Variants in ADSS2 observed in about 807,000 individuals in gnomAD.
ADSS2 encodes adenylosuccinate synthase 2.
A neutral mutation model predicts 60.0 loss-of-function variants in ADSS2; 30 were observed. That is an observed-to-expected ratio of 0.50 (90% confidence interval 0.37 to 0.68). ADSS2 has a LOEUF of 0.68. Among genes scored for constraint, ADSS2 ranks in the 30% least tolerant of loss-of-function variants. The pLI, the probability that ADSS2 is intolerant of heterozygous loss-of-function variation, is 0.00. For synonymous variants in ADSS2, 187 were observed against 193.1 expected (o/e 0.97, Z 0.26); for missense variants, 373 against 554.8 (o/e 0.67, Z 3.29).
At chr1:244,430,750 A>G (rs1664921873) in intron 4 of ADSS2, among the ~76,000 whole-genome samples, 1 of 152,264 alleles carries the variant, frequency 6.6e-6, no homozygotes, top group Non-Finnish European at 1.5e-5. Flanking sequence ...TAGTAAGTGT[A>G]AGCAAACAAA....
intron 9 of ADSS2, among the ~76,000 whole-genome samples, chr1:244,418,399 G>A (rs1664586777): frequency 6.6e-6 from 1 of 152,198 alleles, no homozygotes; most frequent in Non-Finnish European, 1.5e-5. Flanking sequence ...TCAGCTCACT[G>A]CAACCTCTGC....
intron 7 of ADSS2, among the ~76,000 whole-genome samples, chr1:244,422,343 T>C (rs990577074): frequency 2.0e-5 from 3 of 152,252 alleles, no homozygotes; most frequent in Non-Finnish European, 4.4e-5. Flanking sequence ...TGACACCTAC[T>C]AGTTGCCAAG....
At chr1:244,419,672 T>C (rs942646596) in intron 8 of ADSS2, among the ~76,000 whole-genome samples, 2 of 152,136 alleles carry the variant, frequency 1.3e-5, no homozygotes, top group Non-Finnish European at 1.5e-5. Flanking sequence ...GTCAACAAAC[T>C]AATGAGGCAG....
chr1:244,434,179 CAAA>C (rs1220140337), intron 3 of ADSS2, among the ~76,000 whole-genome samples: 2 of 59,980 alleles, frequency 3.3e-5, no homozygotes, highest in Admixed American at 1.9e-4. Context: ...CCCATCTCTA[CAAA>C]AAAAAAAAAA....
chr1:244,437,039 T>C, intron 2 of ADSS2, 146 bp from the exon 3 acceptor site: 1 of 619,392 alleles, frequency 1.6e-6, no homozygotes, highest in Non-Finnish European at 2.8e-6. Flanking sequence ...TAATGGAACA[T>C]AATATAGTGA....
intron 3 of ADSS2, among the ~76,000 whole-genome samples, chr1:244,435,085 T>C (rs1456404608): frequency 7.0e-6 from 1 of 142,242 alleles, no homozygotes; most frequent in Non-Finnish European, 1.5e-5. Flanking sequence ...GGAGAATCAC[T>C]TGGACCCACG....
rs563901044 is a variant in ADSS2 at position 244,443,154 on chromosome 1, G to C, written c.184-5386C>G. On this transcript the variant is annotated intron_variant, in intron 1 of 12. Transcript: ENST00000366535. The stretch of plus-strand genomic sequence containing the variant: ...CCAGATAGTACCAAACAAATGATGG[G>C]AGATATTTTGTTGTTGTTGTTCTAC... 2.2e-4 allele frequency among the ~76,000 whole-genome samples: 33 copies of C among 152,286 alleles called. No homozygotes were observed. The East Asian group carries it at 6.4e-3, about 29-fold the overall frequency.
chr1:244,448,038 T>C (rs149010500), intron 1 of ADSS2, among the ~76,000 whole-genome samples: 3 of 152,254 alleles, frequency 2.0e-5, no homozygotes, highest in East Asian at 1.9e-4. Context: ...TAAATACTTA[T>C]ATACTAGGGA....
chr1:244,417,525 TC>T, intron 10 of ADSS2, 102 bp downstream of exon 10: 1 of 1,389,904 alleles, frequency 7.2e-7, no homozygotes, highest in Non-Finnish European at 9.8e-7. Context: ...CAATATGGAG[TC>T]TAAAGAGTGA....
At chr1:244,418,626 T>C in intron 9 of ADSS2, 134 bp downstream of exon 9, 1 of 938,264 alleles carries the variant, frequency 1.1e-6, no homozygotes, top group East Asian at 3.0e-5. Context: ...CAGCCAAAAT[T>C]ATGTATTTAA....
intron 1 of ADSS2, among the ~76,000 whole-genome samples, chr1:244,438,062 C>A (rs1432771412): frequency 1.3e-5 from 2 of 152,054 alleles, no homozygotes; most frequent in Non-Finnish European, 2.9e-5. Context: ...GAAAAAAATA[C>A]ATAGAGCAAT....
chr1:244,445,235 T>A (rs775985587), intron 1 of ADSS2, among the ~76,000 whole-genome samples: 10 of 152,210 alleles, frequency 6.6e-5, no homozygotes, highest in Non-Finnish European at 1.3e-4. Flanking sequence ...TTTCTTTCCA[T>A]TGCTTGCAAA....
At chr1:244,426,683 G>GC (rs1316158711) in intron 4 of ADSS2, among the ~76,000 whole-genome samples, 1 of 151,984 alleles carries the variant, frequency 6.6e-6, no homozygotes, top group African/African-American at 2.4e-5. Context: ...ACATGTAATA[G>GC]CCACTTTGCT....
At position 244,422,885 on chromosome 1, in the gene ADSS2, T is replaced by C. The variant is rs1372617460; in HGVS notation, c.613A>G (p.Ile205Val). The change falls in exon 7 of 13, where the codon ATA (isoleucine) becomes GTA (valine). Residue 205 changes from isoleucine to valine, a missense_variant. Around this residue, in one of 5 missense-constraint regions of ADSS2, gnomAD observed 139 missense variants for 189.4 expected, o/e 0.73. Coordinates refer to ENST00000366535, the MANE Select transcript of ADSS2 (RefSeq NM_001126.5). ...ATGTCTATTTCCAAAGTGGGGTATA[T>C]AGATTTGTATTGGTTAGCTAGAACT... ...FKVLANQYKS[I>V]YPTLEIDIEG... 1.9e-6 allele frequency: 3 copies of C among 1,597,636 alleles called. No homozygotes were observed. Among genetic ancestry groups the C allele is most frequent in the Non-Finnish European group, 2.6e-6 (3 of 1,165,636 alleles).
intron 4 of ADSS2, among the ~76,000 whole-genome samples, chr1:244,425,592 C>G (rs925760568): frequency 2.0e-5 from 3 of 152,118 alleles, no homozygotes; most frequent in African/African-American, 7.2e-5. Context: ...GCCCCTAAAA[C>G]CATGTATGTA....
At chr1:244,440,220 C>T (rs1665202957) in intron 1 of ADSS2, among the ~76,000 whole-genome samples, 1 of 152,158 alleles carries the variant, frequency 6.6e-6, no homozygotes, top group Admixed American at 6.5e-5. Flanking sequence ...TTCTGTCTGA[C>T]CATCTTGCCC....
At chr1:244,413,688 G>A (rs1473850046) in intron 11 of ADSS2, among the ~76,000 whole-genome samples, 2 of 152,166 alleles carry the variant, frequency 1.3e-5, no homozygotes, top group South Asian at 2.1e-4. Flanking sequence ...ACAGGAGGAC[G>A]CCACAGGTAA....
At position 244,451,868 on chromosome 1, in the gene ADSS2, G is replaced by A. The variant is rs1464810136; in HGVS notation, c.-51C>T. The A allele has an allele frequency of 4.7e-6, 7 of 1,489,362 alleles. No homozygotes were observed. In the South Asian group the frequency reaches 7.7e-5, roughly 16 times the overall value. The allele number at this position is 1,489,362 out of a possible 1,614,324, so 92.3% of individuals were successfully genotyped here. The stretch of plus-strand genomic sequence containing the variant: ...GAAGGAGAGGCGGCCGGCGAGGAGT[G>A]AGCGAACTGAACTGCTCTGCGGCCG... On this transcript the variant is annotated 5_prime_UTR_variant, in exon 1 of 13. Coordinates refer to ENST00000366535, the MANE Select transcript of ADSS2 (RefSeq NM_001126.5). The surrounding 1 kb of genome is among the most constrained non-coding windows in gnomAD (Gnocchi z 6.6).
intron 3 of ADSS2, among the ~76,000 whole-genome samples, chr1:244,433,098 T>C (rs1374791735): frequency 6.6e-6 from 1 of 151,864 alleles, no homozygotes; most frequent in Non-Finnish European, 1.5e-5. Flanking sequence ...TAGCTGGGTG[T>C]GGTGGTGGGT....
Sources: allele counts gnomAD v4.1 joint callset (sites outside exome capture counted in the v4.1 genomes callset), GRCh38; gene constraint gnomAD v4.1.1; regional missense constraint gnomAD v4.1.1; non-coding constraint Gnocchi (gnomAD v3.1); transcripts MANE v1.5; gene names NCBI Gene and HGNC (gene_info 2026-07-23, HGNC 2026-07-21).